SLC9D1: variants seen among roughly 807,000 people sequenced by gnomAD.
The protein encoded by SLC9D1 is putative LAG1-interacting protein.
the SLC9D1 span, among the ~76,000 whole-genome samples, chr13:113,501,568 C>T: frequency 4.6e-5 from 7 of 152,314 alleles, no homozygotes; most frequent in Admixed American, 1.3e-4. Flanking sequence ...TCCCAGAATA[C>T]ACTCTTCATA....
At chr13:113,495,009 C>T in the SLC9D1 span, among the ~76,000 whole-genome samples, 22 of 152,076 alleles carry the variant, frequency 1.4e-4, no homozygotes, top group African/African-American at 5.1e-4. Context: ...GGATTACAGG[C>T]GTGCGCCACC....
the SLC9D1 span, chr13:113,503,815 A>G: frequency 1.9e-6 from 1 of 530,058 alleles, no homozygotes; most frequent in African/African-American, 1.9e-5. Context: ...TCACATGGCT[A>G]ACTTCAGGAA....
the SLC9D1 span, among the ~76,000 whole-genome samples, chr13:113,492,816 T>C: frequency 6.6e-6 from 1 of 152,084 alleles, no homozygotes; most frequent in Non-Finnish European, 1.5e-5. Context: ...GAGAATTGCT[T>C]GAACCCGGGA....
At chr13:113,496,075 G>A in the SLC9D1 span, 2 of 1,314,646 alleles carry the variant, frequency 1.5e-6, no homozygotes, top group Admixed American at 2.2e-5. Flanking sequence ...AGAGAGAGGT[G>A]AAGAGAGAGG....
chr13:113,523,200 T>G, the SLC9D1 span, among the ~76,000 whole-genome samples: 43 of 152,244 alleles, frequency 2.8e-4, no homozygotes, highest in East Asian at 8.1e-3. Context: ...GTTCCTTTCT[T>G]TTTATTTTCT....
At chr13:113,536,586 C>T in the SLC9D1 span, 1 of 985,022 alleles carries the variant, frequency 1.0e-6, no homozygotes, top group Non-Finnish European at 1.2e-6. Flanking sequence ...CCGTGTTGCC[C>T]TCCCAGTGGC....
the SLC9D1 span, chr13:113,547,482 G>A: frequency 8.7e-6 from 8 of 921,808 alleles, no homozygotes; most frequent in East Asian, 1.0e-4. Context: ...CTGCAGAGCC[G>A]GCCCTGCTCC....
chr13:113,505,849 CT>C, the SLC9D1 span: 2 of 152,244 alleles, frequency 1.3e-5, no homozygotes, highest in Non-Finnish European at 2.9e-5. Context: ...TTACCTAGAA[CT>C]TTTTGTTTTC....
chr13:113,525,611 A>G, the SLC9D1 span, among the ~76,000 whole-genome samples: 159 of 81,568 alleles, frequency 1.9e-3, no homozygotes, highest in Middle Eastern at 8.6e-3. Context: ...CATCGTCATC[A>G]TAGCAGACGA....
the SLC9D1 span, chr13:113,498,613 A>G: frequency 0.13 from 137,705 of 1,046,372 alleles, 11,166 homozygotes; most frequent in African/African-American, 0.35. Context: ...TATGTTTTTA[A>G]TGTAGATTGA....
chr13:113,533,419 G>T, the SLC9D1 span, among the ~76,000 whole-genome samples: 4 of 152,194 alleles, frequency 2.6e-5, no homozygotes, highest in African/African-American at 7.2e-5. Flanking sequence ...TTCCTCCACC[G>T]AGGAAACTTT....
At chr13:113,508,044 A>C in the SLC9D1 span, among the ~76,000 whole-genome samples, 2 of 152,188 alleles carry the variant, frequency 1.3e-5, no homozygotes, top group Non-Finnish European at 2.9e-5. Context: ...GTTGAACAGG[A>C]AGCTTCTTAC....
At chr13:113,535,172 C>T in the SLC9D1 span, 3 of 152,220 alleles carry the variant, frequency 2.0e-5, no homozygotes, top group Non-Finnish European at 2.9e-5. This position sits in a 1 kb window ranked among gnomAD's most constrained non-coding sequence, Gnocchi z 4.1. Context: ...TAGCTTTGCA[C>T]CTGAAATACA....
At chr13:113,493,315 A>ATC in the SLC9D1 span, among the ~76,000 whole-genome samples, 1 of 152,240 alleles carries the variant, frequency 6.6e-6, no homozygotes. Flanking sequence ...CCATCAAAGA[A>ATC]TCACTTTTTG....
At chr13:113,502,330 C>T in the SLC9D1 span, among the ~76,000 whole-genome samples, 2 of 152,174 alleles carry the variant, frequency 1.3e-5, no homozygotes, top group African/African-American at 2.4e-5. Context: ...TCTCCTGCTT[C>T]AGCCTCTTGA....
the SLC9D1 span, among the ~76,000 whole-genome samples, chr13:113,492,234 C>T: frequency 6.6e-6 from 1 of 152,192 alleles, no homozygotes; most frequent in Non-Finnish European, 1.5e-5. Context: ...CCTCAGCCTC[C>T]CAGAGCGCTG....
the SLC9D1 span, among the ~76,000 whole-genome samples, chr13:113,531,723 C>G: frequency 6.6e-6 from 1 of 152,272 alleles, no homozygotes; most frequent in Non-Finnish European, 1.5e-5. Flanking sequence ...GCACGTGGAC[C>G]TGCCGGTGGC....
chr13:113,520,797 C>T, the SLC9D1 span: 5 of 1,156,142 alleles, frequency 4.3e-6, no homozygotes, highest in Non-Finnish European at 6.4e-6. Flanking sequence ...AAAAATACTA[C>T]TTAATACCTT....
At chr13:113,518,771 A>T in the SLC9D1 span, among the ~76,000 whole-genome samples, 1 of 152,178 alleles carries the variant, frequency 6.6e-6, no homozygotes, top group African/African-American at 2.4e-5. Flanking sequence ...TCATCTCCTG[A>T]ATCGTGTAAC....
Sources: allele counts gnomAD v4.1 joint callset (sites outside exome capture counted in the v4.1 genomes callset), GRCh38; gene constraint gnomAD v4.1.1; non-coding constraint Gnocchi (gnomAD v3.1); transcripts MANE v1.5; gene names NCBI Gene and HGNC (gene_info 2026-07-23, HGNC 2026-07-21).